CNTNAP2: variants seen among roughly 807,000 people sequenced by gnomAD.
The protein encoded by CNTNAP2 is contactin-associated protein-like 2.
In CNTNAP2, 98 loss-of-function variants were observed where a neutral mutation model predicts 155.2. The observed-to-expected ratio is 0.63, with a 90% CI of 0.54 to 0.75. The LOEUF is 0.75. Among genes scored for constraint, CNTNAP2 ranks in the 30% least tolerant of loss-of-function variants. CNTNAP2 has a pLI of 0.00. For synonymous variants in CNTNAP2, 651 were observed against 631.2 expected (o/e 1.03, Z -0.47); for missense variants, 1,727 against 1,688.1 (o/e 1.02, Z -0.40).
chr7:147,072,972 C>A (rs572088370), intron 4 of CNTNAP2, among the ~76,000 whole-genome samples: 4 of 150,626 alleles, frequency 2.7e-5, no homozygotes, highest in Admixed American at 1.3e-4. Flanking sequence ...CCTGCCTCAG[C>A]CTCCCAAGTA....
At chr7:148,123,099 C>T (rs1303164946) in intron 16 of CNTNAP2, among the ~76,000 whole-genome samples, 1 of 152,054 alleles carries the variant, frequency 6.6e-6, no homozygotes, top group Non-Finnish European at 1.5e-5. Context: ...ATCAAGTGGA[C>T]ACATCTAGAG....
At chr7:146,537,948 T>C (rs1295786753) in intron 1 of CNTNAP2, among the ~76,000 whole-genome samples, 1 of 152,032 alleles carries the variant, frequency 6.6e-6, no homozygotes, top group African/African-American at 2.4e-5. Context: ...TGTGAGACGC[T>C]ATGGAAGGGA....
At chr7:146,900,939 C>G (rs1163970136) in intron 3 of CNTNAP2, among the ~76,000 whole-genome samples, 2 of 152,006 alleles carry the variant, frequency 1.3e-5, no homozygotes, top group African/African-American at 2.4e-5. Flanking sequence ...ACAAATGAAT[C>G]CTCTGTCCTC....
At chr7:147,603,979 C>T (rs1437649957) in intron 12 of CNTNAP2, among the ~76,000 whole-genome samples, 1 of 151,800 alleles carries the variant, frequency 6.6e-6, no homozygotes, top group Non-Finnish European at 1.5e-5. Flanking sequence ...GGAAAGGATT[C>T]CCTATTTAAT....
At chr7:148,099,881 T>G (rs1277106059) in intron 15 of CNTNAP2, among the ~76,000 whole-genome samples, 2 of 142,650 alleles carry the variant, frequency 1.4e-5, no homozygotes, top group African/African-American at 2.6e-5. Flanking sequence ...TTTTTTTTTT[T>G]TTTTTTTTTG....
chr7:146,659,965 A>G (rs1800059144), intron 1 of CNTNAP2, among the ~76,000 whole-genome samples: 1 of 152,212 alleles, frequency 6.6e-6, no homozygotes, highest in South Asian at 2.1e-4. Context: ...GCATCTGCAT[A>G]TGAGAGCAGA....
intron 1 of CNTNAP2, among the ~76,000 whole-genome samples, chr7:146,219,149 C>T (rs889048457): frequency 2.6e-5 from 4 of 152,000 alleles, no homozygotes; most frequent in African/African-American, 7.2e-5. Context: ...TCAGATCTCA[C>T]GAGAAGTCAC....
Position 147,900,946 on chromosome 7 carries a change from G to T in CNTNAP2, c.2099-2619G>T, listed in dbSNP as rs184887875. On this transcript the variant is annotated intron_variant, in intron 13 of 23. Coordinates refer to ENST00000361727, the MANE Select transcript of CNTNAP2 (RefSeq NM_014141.6). The stretch of plus-strand genomic sequence containing the variant: ...CTTCTACAATCAATTTGTACATTTT[G>T]TGAGCAAACCCATTATCTTTTCTTC... 2.1e-3 allele frequency among the ~76,000 whole-genome samples: 323 copies of T among 152,242 alleles called. 2 individuals carry two copies. Among genetic ancestry groups the T allele is most frequent in the Middle Eastern group, 3.4e-3 (1 of 294 alleles).
chr7:146,445,094 T>A (rs1796383816), intron 1 of CNTNAP2, among the ~76,000 whole-genome samples: 1 of 141,136 alleles, frequency 7.1e-6, no homozygotes, highest in Non-Finnish European at 1.5e-5. Flanking sequence ...CCAGGAAGGG[T>A]CAGATTTTAT....
chr7:148,331,982 C>G (rs1189058929), intron 21 of CNTNAP2, among the ~76,000 whole-genome samples: 1 of 152,152 alleles, frequency 6.6e-6, no homozygotes, highest in Non-Finnish European at 1.5e-5. Flanking sequence ...AGATGCAGCA[C>G]CACCCTCTGC....
At chr7:147,824,801 A>G (rs1584975440) in intron 13 of CNTNAP2, among the ~76,000 whole-genome samples, 1 of 152,116 alleles carries the variant, frequency 6.6e-6, no homozygotes, top group African/African-American at 2.4e-5. Flanking sequence ...TGGTGGTCAC[A>G]CAATGCCTGA....
In CNTNAP2 at chr7:148,147,621, C is replaced by T; in HGVS notation, c.2685C>T (p.Ser895=). Residue 895 remains serine, a synonymous_variant, in exon 17 of 24, where the codon AGC becomes AGT. Coordinates refer to ENST00000361727, the MANE Select transcript of CNTNAP2 (RefSeq NM_014141.6). The stretch of plus-strand genomic sequence containing the variant: ...CAGAGAGGAATGTCAAGCAGGCCAG[C>T]CTACAGGTGGACCGGCTACCGCAGC... ...VTAERNVKQA[S]LQVDRLPQQI... is the part of the protein sequence containing the mutation. 1.2e-6 allele frequency: 2 copies of T among 1,614,108 alleles called. No individual in the cohort carries two copies. The highest frequency in any genetic ancestry group is 1.7e-6 in the Non-Finnish European group (2 of 1,180,034).
rs185252283 is a variant in CNTNAP2, at chr7:146,432,104, C to A, written c.97+315131C>A. On this transcript the variant is annotated intron_variant, in intron 1 of 23. Coordinates refer to ENST00000361727, the MANE Select transcript of CNTNAP2 (RefSeq NM_014141.6). ...ATGACAGTAAAGAAATTATTCTGAG[C>A]AAAACCAACTAATTTCAACAGTCAC... Among the ~76,000 whole-genome samples the A allele has an allele frequency of 2.0e-3, 298 of 152,092 alleles. 1 individual carries two copies. The highest frequency in any genetic ancestry group is 6.8e-3 in the Middle Eastern group (2 of 294).
chr7:147,445,273 C>A (rs1315277314), intron 10 of CNTNAP2, among the ~76,000 whole-genome samples: 2 of 152,140 alleles, frequency 1.3e-5, no homozygotes, highest in African/African-American at 4.8e-5. Context: ...TTCCTTTCAT[C>A]TTTTACTTTG....
chr7:146,332,135 C>G (rs1801197931), intron 1 of CNTNAP2, among the ~76,000 whole-genome samples: 1 of 151,564 alleles, frequency 6.6e-6, no homozygotes, highest in South Asian at 2.1e-4. Flanking sequence ...ATACATGTAT[C>G]TATTTTATTT....
At chr7:148,214,983 C>T (rs1795611930) in intron 18 of CNTNAP2, among the ~76,000 whole-genome samples, 1 of 152,200 alleles carries the variant, frequency 6.6e-6, no homozygotes, top group South Asian at 2.1e-4. Context: ...ACTACCCCAC[C>T]TACACACACA....
intron 1 of CNTNAP2, among the ~76,000 whole-genome samples, chr7:146,527,978 C>T (rs1306338684): frequency 1.3e-5 from 2 of 151,938 alleles, no homozygotes; most frequent in Non-Finnish European, 2.9e-5. Context: ...ATTTTATCTA[C>T]CACTATAGTC....
rs141114068 is a variant in CNTNAP2 at position 146,803,706 on chromosome 7, G to T, written c.208+29325G>T. 3.3e-3 allele frequency among the ~76,000 whole-genome samples: 506 copies of T among 152,286 alleles called. 3 individuals are homozygous for T. Among genetic ancestry groups the T allele is most frequent in the African/African-American group, 0.012 (485 of 41,552 alleles). ...AAGATATAATCATGAAATATTAAAA[G>T]AATTGTAAAAGTGGCAGTGAATTAT... is the stretch of plus-strand genomic sequence containing the variant. On this transcript the variant is annotated intron_variant, in intron 2 of 23. Transcript: ENST00000361727.
At chr7:147,638,963 G>A in intron 12 of CNTNAP2, 143 bp from the exon 13 acceptor site, 2 of 828,656 alleles carry the variant, frequency 2.4e-6, no homozygotes, top group African/African-American at 1.7e-5. Context: ...AAGAGCAGGG[G>A]GTTTTAAGGA....
Sources: gnomAD v4.1 joint callset for allele counts (sites outside exome capture counted in the v4.1 genomes callset) on GRCh38, gnomAD v4.1.1 for gene constraint, MANE v1.5 for transcripts, NCBI Gene and HGNC (gene_info 2026-07-23, HGNC 2026-07-21) for gene names.